Variants in TLK1 observed in about 807,000 individuals in gnomAD.
The protein encoded by TLK1 is tousled like kinase 1, also known as serine/threonine-protein kinase tousled-like 1.
TLK1 carries 24 observed loss-of-function variants against 105.3 expected under a neutral mutation model. That is an observed-to-expected ratio of 0.23 (90% confidence interval 0.17 to 0.32). TLK1 has a LOEUF of 0.32. Among genes scored for constraint, TLK1 ranks in the 10% least tolerant of loss-of-function variants. TLK1 has a pLI of 1.00. For synonymous variants in TLK1, 321 were observed against 310.4 expected (o/e 1.03, Z -0.36); for missense variants, 558 against 910.5 (o/e 0.61, Z 4.98).
intron 1 of TLK1, among the ~76,000 whole-genome samples, chr2:171,143,171 G>T (rs1297805119): frequency 6.6e-6 from 1 of 152,168 alleles, no homozygotes; most frequent in African/African-American, 2.4e-5. Flanking sequence ...GTAAGGAAAT[G>T]ATATCAAATG....
At chr2:171,195,267 G>A (rs1011883957) in intron 1 of TLK1, among the ~76,000 whole-genome samples, 10 of 152,074 alleles carry the variant, frequency 6.6e-5, no homozygotes, top group African/African-American at 2.2e-4. Flanking sequence ...ACTTTGGAAG[G>A]CGGAGGCGGG....
chr2:171,009,483 A>AT (rs992948977), intron 14 of TLK1, among the ~76,000 whole-genome samples: 4 of 151,256 alleles, frequency 2.6e-5, no homozygotes, highest in African/African-American at 9.7e-5. Context: ...TTTTTCTTGT[A>AT]TTTTTAGTAG....
At chr2:171,135,450 T>A (rs916149937) in intron 1 of TLK1, among the ~76,000 whole-genome samples, 2 of 151,852 alleles carry the variant, frequency 1.3e-5, no homozygotes, top group African/African-American at 4.8e-5. Context: ...GGAGGATCAT[T>A]TGAGCTCAGG....
intron 1 of TLK1, among the ~76,000 whole-genome samples, chr2:171,183,546 A>G (rs1209193846): frequency 6.6e-6 from 1 of 151,650 alleles, no homozygotes; most frequent in Non-Finnish European, 1.5e-5. Flanking sequence ...CTCTTTATAT[A>G]CTATGGATAT....
chr2:171,145,333 T>C (rs939704730), intron 1 of TLK1, among the ~76,000 whole-genome samples: 1 of 151,890 alleles, frequency 6.6e-6, no homozygotes, highest in African/African-American at 2.4e-5. Flanking sequence ...GGTTCACACC[T>C]GTAATCCCAG....
At chr2:171,201,849 T>A (rs552277380) in intron 1 of TLK1, among the ~76,000 whole-genome samples, 77 of 152,322 alleles carry the variant, frequency 5.1e-4, no homozygotes, top group African/African-American at 1.2e-3. Flanking sequence ...TCTGTGGGTC[T>A]AGACACCACT....
chr2:171,128,425 T>A (rs1337003050), intron 1 of TLK1, among the ~76,000 whole-genome samples: 1 of 152,140 alleles, frequency 6.6e-6, no homozygotes, highest in Non-Finnish European at 1.5e-5. Flanking sequence ...TATAGAGTTG[T>A]TAAAGTAAAA....
At chr2:171,185,723 C>A (rs549091731) in intron 1 of TLK1, among the ~76,000 whole-genome samples, 3 of 152,206 alleles carry the variant, frequency 2.0e-5, no homozygotes, top group Admixed American at 6.5e-5. Flanking sequence ...CACAAATATA[C>A]CCCTTCTAGC....
intron 11 of TLK1, among the ~76,000 whole-genome samples, chr2:171,036,441 C>T (rs901351779): frequency 2.0e-5 from 3 of 152,168 alleles, no homozygotes; most frequent in Admixed American, 2.0e-4. Context: ...TGTTAGCAGG[C>T]TAAACTTCAT....
chr2:171,006,306 T>G (rs1403372599), intron 17 of TLK1, 24 bp from the exon 18 acceptor site: 1 of 1,562,004 alleles, frequency 6.4e-7, no homozygotes, highest in Non-Finnish European at 8.6e-7. Context: ...ATAAGATTCT[T>G]TTAATGATAC....
intron 20 of TLK1, among the ~76,000 whole-genome samples, chr2:170,995,904 T>C (rs923270469): frequency 1.3e-5 from 2 of 152,190 alleles, no homozygotes; most frequent in African/African-American, 4.8e-5. Context: ...GGTTTCACCA[T>C]GTTGCCCAGG....
At chr2:171,115,202 G>A (rs1322213797) in intron 2 of TLK1, among the ~76,000 whole-genome samples, 2 of 127,286 alleles carry the variant, frequency 1.6e-5, no homozygotes, top group South Asian at 2.3e-4. Context: ...ACTGAGTTTC[G>A]CTCTTGTTGC....
intron 1 of TLK1, 101 bp from the exon 2 acceptor site, chr2:171,117,958 T>C (rs1367489696): frequency 5.2e-6 from 4 of 770,186 alleles, no homozygotes; most frequent in Non-Finnish European, 7.5e-6. Context: ...ATGTTAAAAA[T>C]TTAGGAATGA....
chr2:171,222,450 C>T (rs1367482711), intron 1 of TLK1, among the ~76,000 whole-genome samples: 1 of 152,114 alleles, frequency 6.6e-6, no homozygotes, highest in Non-Finnish European at 1.5e-5. Context: ...CCCATCTCAG[C>T]CTGCCCAGGA....
chr2:171,064,186 G>A (rs1186234222), intron 3 of TLK1, among the ~76,000 whole-genome samples: 1 of 152,098 alleles, frequency 6.6e-6, no homozygotes, highest in Non-Finnish European at 1.5e-5. Flanking sequence ...AAGGGTAACA[G>A]GACTAAAATT....
intron 14 of TLK1, among the ~76,000 whole-genome samples, chr2:171,010,236 C>T (rs114307465): frequency 1.6e-3 from 243 of 152,018 alleles, no homozygotes; most frequent in African/African-American, 5.7e-3. Flanking sequence ...GGGAGGGGAA[C>T]AAAGGGAAAG....
intron 3 of TLK1, among the ~76,000 whole-genome samples, chr2:171,069,757 G>A (rs950392504): frequency 6.6e-6 from 1 of 152,144 alleles, no homozygotes; most frequent in Non-Finnish European, 1.5e-5. Context: ...GACATGTGAC[G>A]ACATCTCACT....
intron 2 of TLK1, among the ~76,000 whole-genome samples, chr2:171,113,145 G>A (rs1417552862): frequency 6.6e-6 from 1 of 151,938 alleles, no homozygotes; most frequent in African/African-American, 2.4e-5. Flanking sequence ...ATATAAAAAA[G>A]ACATACCAAA....
chr2:171,129,254 A>C (rs1690998930), intron 1 of TLK1, among the ~76,000 whole-genome samples: 1 of 152,142 alleles, frequency 6.6e-6, no homozygotes, highest in Admixed American at 6.6e-5. Context: ...TAAAAGTAAA[A>C]AGTCCCAATA....
Sources: allele counts gnomAD v4.1 joint callset (sites outside exome capture counted in the v4.1 genomes callset), GRCh38; gene constraint gnomAD v4.1.1; transcripts MANE v1.5; gene names NCBI Gene and HGNC (gene_info 2026-07-23, HGNC 2026-07-21).